The following STS variants were observed in gnomAD, a reference collection of about 807,000 sequenced individuals.
STS encodes steryl-sulfatase.
STS carries 7 observed loss-of-function variants against 26.8 expected under a neutral mutation model. The ratio of observed to expected loss-of-function variants is 0.26; its 90% CI spans 0.15 to 0.49. STS has a LOEUF of 0.49. Among genes scored for constraint, STS ranks in the 20% least tolerant of loss-of-function variants. The pLI, the probability that STS is intolerant of heterozygous loss-of-function variation, is 0.98. For missense variants in STS, 434 were observed against 465.6 expected, an observed-to-expected ratio of 0.93 and a Z score of 0.63; for synonymous variants, 199 against 189.4, an observed-to-expected ratio of 1.05 and a Z score of -0.42.
rs867611551 is a variant in STS, at chrX:7,240,486, G to C, written c.-4-12710G>C. 1.2e-4 allele frequency among the ~76,000 whole-genome samples: 7 copies of C among 59,035 alleles called. No homozygotes were observed. In the South Asian group the frequency reaches 8.1e-3, roughly 68 times the overall value. The allele number at this position is 59,035 out of a possible 115,157, so 51.3% of individuals were successfully genotyped here. A position where few individuals can be genotyped will look rare whatever the true frequency, so the allele number is the denominator to read the frequency against. On this transcript the variant is annotated intron_variant, in intron 2 of 10. Coordinates refer to ENST00000674429, the MANE Select transcript of STS (RefSeq NM_001320752.2). ...GCGCGCACACACACACACACACACA[G>C]ATATGTATGTGTGTGTGTGTGTGTG...
At chrX:7,148,759 G>C (rs1355983722) in intron 1 of STS, among the ~76,000 whole-genome samples, 2 of 112,334 alleles carry the variant, frequency 1.8e-5, no homozygotes, top group African/African-American at 3.2e-5. Flanking sequence ...CTCCGTGCCT[G>C]CATCTCTGAG....
At chrX:7,342,000 C>T (rs186608718) in intron 10 of STS, among the ~76,000 whole-genome samples, 76 of 110,176 alleles carry the variant, frequency 6.9e-4, no homozygotes, top group Admixed American at 1.1e-3. Context: ...TTAGTAGAGA[C>T]GGGGTTTCAC....
intron 8 of STS, among the ~76,000 whole-genome samples, chrX:7,305,599 G>T (rs1926174514): frequency 8.9e-6 from 1 of 112,146 alleles, no homozygotes; most frequent in Non-Finnish European, 1.9e-5. Context: ...AAATTGAGAT[G>T]TCTGTAGGGC....
intron 2 of STS, among the ~76,000 whole-genome samples, chrX:7,203,827 C>T (rs1383486905): frequency 9.0e-6 from 1 of 110,962 alleles, no homozygotes; most frequent in Non-Finnish European, 1.9e-5. Context: ...CTCTGCTGCC[C>T]AGGGTGGAAT....
Position 7,346,866 on chromosome X carries a change from G to C in STS, c.1364-3022G>C, listed in dbSNP as rs181403755. Among the ~76,000 whole-genome samples the C allele has an allele frequency of 1.4e-3, 149 of 108,945 alleles. 1 individual carries two copies. The highest frequency in any genetic ancestry group is 4.7e-3 in the African/African-American group (139 of 29,869). The allele number at this position is 108,945 out of a possible 115,157, so 94.6% of individuals were successfully genotyped here. On this transcript the variant is annotated intron_variant, in intron 10 of 10. Coordinates refer to ENST00000674429, the MANE Select transcript of STS (RefSeq NM_001320752.2). The stretch of plus-strand genomic sequence containing the variant: ...GAGGATTGCTTGAGCCCAGGAGTTC[G>C]AGACCAGCCTGGGCAACATGGAGAC...
intron 8 of STS, among the ~76,000 whole-genome samples, chrX:7,324,044 A>C (rs776922066): frequency 8.9e-6 from 1 of 111,748 alleles, no homozygotes; most frequent in Non-Finnish European, 1.9e-5. Context: ...AGATCCTAAG[A>C]ATATGTACCT....
chrX:7,191,637 G>A (rs767402932), intron 2 of STS, among the ~76,000 whole-genome samples: 1 of 111,654 alleles, frequency 9.0e-6, no homozygotes, highest in African/African-American at 3.3e-5. Flanking sequence ...CCTCCCTGCA[G>A]GAAGAGCTCT....
chrX:7,215,758 G>C (rs1174895128), intron 2 of STS, among the ~76,000 whole-genome samples: 1 of 111,650 alleles, frequency 9.0e-6, no homozygotes, highest in African/African-American at 3.3e-5. Flanking sequence ...ATTGCACCCT[G>C]CACTCCTCAA....
rs1169034795 is a variant in STS, at chrX:7,354,153, A to G, written c.*3892A>G. The G allele has an allele frequency of 9.0e-6, 1 of 111,363 alleles. No homozygotes were observed. The highest frequency in any genetic ancestry group is 9.6e-5 in the Admixed American group (1 of 10,462). 9.2% of individuals were successfully genotyped at this position (111,363 alleles called of 1,213,427 possible). ...CTGATCAGGCTCCTCAGCCTCCACCATCCCCCAGGTGATGTCTGGTCAACT... is the reference window on the plus strand; with the variant it reads ...CTGATCAGGCTCCTCAGCCTCCACCGTCCCCCAGGTGATGTCTGGTCAACT... On this transcript the variant is annotated 3_prime_UTR_variant, in exon 11 of 11. Coordinates refer to ENST00000674429, the MANE Select transcript of STS (RefSeq NM_001320752.2).
At chrX:7,193,779 A>G (rs1933921031) in intron 2 of STS, among the ~76,000 whole-genome samples, 1 of 111,650 alleles carries the variant, frequency 9.0e-6, no homozygotes, top group African/African-American at 3.3e-5. Context: ...TTACATACAG[A>G]GTATTAAACT....
intron 6 of STS, among the ~76,000 whole-genome samples, chrX:7,263,767 GTA>G (rs761456707): frequency 2.4e-4 from 26 of 110,212 alleles, no homozygotes; most frequent in African/African-American, 8.2e-4. Flanking sequence ...GTTTGTGTGT[GTA>G]TATATATATG....
At chrX:7,185,059 A>G (rs1291892302) in intron 1 of STS, among the ~76,000 whole-genome samples, 1 of 112,277 alleles carries the variant, frequency 8.9e-6, no homozygotes, top group Non-Finnish European at 1.9e-5. Context: ...TGAGTTGGCC[A>G]CGTGTTGTTG....
intron 7 of STS, among the ~76,000 whole-genome samples, chrX:7,279,075 G>A (rs907550564): frequency 2.8e-5 from 3 of 108,921 alleles, no homozygotes; most frequent in Admixed American, 9.9e-5. Context: ...AGGCCGAAGC[G>A]GGCAGATCAC....
chrX:7,192,078 C>T (rs995098073), intron 2 of STS, among the ~76,000 whole-genome samples: 6 of 112,017 alleles, frequency 5.4e-5, no homozygotes, highest in Admixed American at 2.8e-4. Context: ...CATTTATGGT[C>T]CCCCATAGCA....
chrX:7,300,098 G>C (rs1323274433), intron 7 of STS, among the ~76,000 whole-genome samples: 1 of 111,887 alleles, frequency 8.9e-6, no homozygotes, highest in African/African-American at 3.2e-5. Context: ...ACTTGACAGA[G>C]GAAGGAGCCA....
chrX:7,339,292 A>AT (rs1468495858), intron 10 of STS, among the ~76,000 whole-genome samples: 2 of 111,743 alleles, frequency 1.8e-5, no homozygotes, highest in African/African-American at 6.5e-5. Flanking sequence ...GCTGAAGCTG[A>AT]CCTAATGTGA....
At chrX:7,270,676 G>A (rs1313169397) in intron 6 of STS, among the ~76,000 whole-genome samples, 2 of 111,897 alleles carry the variant, frequency 1.8e-5, no homozygotes, top group Admixed American at 9.5e-5. Context: ...GCTTTATAGA[G>A]AGATGATAGA....
chrX:7,263,960 A>T (rs757501147), intron 6 of STS, among the ~76,000 whole-genome samples: 1 of 111,825 alleles, frequency 8.9e-6, no homozygotes, highest in African/African-American at 3.2e-5. Context: ...AGAATAAAGA[A>T]TTTTCTGCCC....
At chrX:7,325,574 A>G in intron 9 of STS, 76 bp downstream of exon 9, 1 of 1,135,616 alleles carries the variant, frequency 8.8e-7, no homozygotes, top group Non-Finnish European at 1.2e-6. Context: ...TGCCTGCATA[A>G]TGGTGTGGGG....
Sources: gnomAD v4.1 joint callset for allele counts (sites outside exome capture counted in the v4.1 genomes callset) on GRCh38, gnomAD v4.1.1 for gene constraint, MANE v1.5 for transcripts, NCBI Gene and HGNC (gene_info 2026-07-23, HGNC 2026-07-21) for gene names.